The following DUSP14 variants were observed in gnomAD, a reference collection of about 807,000 sequenced individuals.
DUSP14 encodes dual specificity phosphatase 14, also known as dual specificity protein phosphatase 14.
DUSP14 carries 5 observed loss-of-function variants against 13.2 expected under a neutral mutation model. The observed-to-expected ratio is 0.38, with a 90% confidence interval of 0.20 to 0.80. DUSP14 has a LOEUF of 0.80. Ranked by LOEUF, DUSP14 falls within the 30% of genes least tolerant of loss-of-function variation. The pLI, the probability that DUSP14 is intolerant of heterozygous loss-of-function variation, is 0.44. For missense variants in DUSP14, 185 were observed against 264.0 expected (o/e 0.70, Z 2.07); for synonymous variants, 91 against 103.4 (o/e 0.88, Z 0.73).
rs183467549 is a variant in DUSP14 at position 37,501,379 on chromosome 17, G to T, written c.-180-9298G>T. Among the ~76,000 whole-genome samples the T allele has an allele frequency of 2.7e-3, 409 of 152,312 alleles. 1 individual carries two copies. The highest frequency in any genetic ancestry group is 9.4e-3 in the African/African-American group (389 of 41,584). On this transcript the variant is annotated intron_variant, in intron 1 of 2. Transcript: ENST00000617516. ...TTCGGTAGGTCTTGGAATAGAGCCTGCGTTCTGCATTTCTTTCAAGCCTCC... is the reference window on the plus strand; with the variant it reads ...TTCGGTAGGTCTTGGAATAGAGCCTTCGTTCTGCATTTCTTTCAAGCCTCC...
rs781030174 is a variant in DUSP14, at chr17:37,512,755, C to T, written c.483C>T (p.Tyr161=). ...GCTTCTGGAGGCAACTGATAGACTA[C>T]GAGCGCCAGCTCTTTGGGAAGTCGA... ...NVGFWRQLID[Y]ERQLFGKSTV... is the part of the protein sequence containing the mutation. Residue 161 remains tyrosine, a synonymous_variant, in exon 3 of 3, where the codon TAC becomes TAT. Coordinates refer to ENST00000617516, the MANE Select transcript of DUSP14 (RefSeq NM_007026.4). The surrounding 1 kb of genome is among the most constrained non-coding windows in gnomAD (Gnocchi z 4.8). The T allele has an allele frequency of 3.7e-6, 6 of 1,613,796 alleles. No individual in the cohort carries two copies. The highest frequency in any genetic ancestry group is 1.6e-4 in the Middle Eastern group (1 of 6,062).
intron 1 of DUSP14, among the ~76,000 whole-genome samples, chr17:37,501,220 G>A (rs779049065): frequency 4.6e-5 from 7 of 152,226 alleles, no homozygotes; most frequent in Non-Finnish European, 7.3e-5. Context: ...TGCTGCCACA[G>A]GTCAGATGGG....
At chr17:37,501,183 G>T (rs2143082945) in intron 1 of DUSP14, among the ~76,000 whole-genome samples, 1 of 152,324 alleles carries the variant, frequency 6.6e-6, no homozygotes, top group African/African-American at 2.4e-5. Context: ...GTGCTTACGT[G>T]GCTTATGTGG....
At chr17:37,498,877 G>A (rs566243945) in intron 1 of DUSP14, among the ~76,000 whole-genome samples, 2 of 152,196 alleles carry the variant, frequency 1.3e-5, no homozygotes, top group South Asian at 2.1e-4. Flanking sequence ...TCTGGGGTGG[G>A]GTCTAGGAGT....
chr17:37,502,723 G>A (rs1161375450), intron 1 of DUSP14, among the ~76,000 whole-genome samples: 1 of 152,062 alleles, frequency 6.6e-6, no homozygotes, highest in African/African-American at 2.4e-5. Flanking sequence ...AACACCCATG[G>A]CCTCTCCGTG....
intron 2 of DUSP14, among the ~76,000 whole-genome samples, chr17:37,511,938 C>CCTTTT (rs1568206074): frequency 3.9e-4 from 15 of 38,252 alleles, no homozygotes; most frequent in Middle Eastern, 0.038. Context: ...CCCCACCCCA[C>CCTTTT]TTTTTTTTTT....
rs916192784 is a variant in DUSP14 at position 37,502,347 on chromosome 17, ATT to A, written c.-180-8314_-180-8313del. Among the ~76,000 whole-genome samples the A allele has an allele frequency of 3.1e-4, 44 of 139,908 alleles. No individual in the cohort carries two copies. The East Asian group carries it at 7.0e-3, about 22-fold the overall frequency. The allele number at this position is 139,908 out of a possible 152,430, so 91.8% of individuals were successfully genotyped here. Reference sequence around the variant, plus strand: ...CAGGTGCACATCACCATGCCCAGCAATTTTTTTTTTTTTTTTTGTAGAGAGAG... The same window carrying A: ...CAGGTGCACATCACCATGCCCAGCAATTTTTTTTTTTTTTTGTAGAGAGAG... On this transcript the variant is annotated intron_variant, in intron 1 of 2. Coordinates refer to ENST00000617516, the MANE Select transcript of DUSP14 (RefSeq NM_007026.4).
chr17:37,503,151 A>C (rs549762579), intron 1 of DUSP14, among the ~76,000 whole-genome samples: 1 of 152,280 alleles, frequency 6.6e-6, no homozygotes, highest in South Asian at 2.1e-4. Flanking sequence ...GGGTCTGGCC[A>C]CAGTGGCTTA....
At chr17:37,494,853 C>T (rs2054053165) in intron 1 of DUSP14, among the ~76,000 whole-genome samples, 1 of 152,118 alleles carries the variant, frequency 6.6e-6, no homozygotes, top group African/African-American at 2.4e-5. Flanking sequence ...ATTTGTAGAT[C>T]CTTTTTATTT....
chr17:37,509,444 C>T (rs569697174), intron 1 of DUSP14, among the ~76,000 whole-genome samples: 2 of 149,656 alleles, frequency 1.3e-5, no homozygotes, highest in African/African-American at 2.5e-5. Context: ...CCTCAGCCAC[C>T]CAAGTAGCTG....
At chr17:37,506,699 ACTGAT>A (rs1238167444) in intron 1 of DUSP14, among the ~76,000 whole-genome samples, 1 of 151,968 alleles carries the variant, frequency 6.6e-6, no homozygotes, top group Non-Finnish European at 1.5e-5. Context: ...ATCCAGTTCT[ACTGAT>A]CTGATCTGAG....
At chr17:37,497,577 C>T (rs1397147997) in intron 1 of DUSP14, among the ~76,000 whole-genome samples, 3 of 151,798 alleles carry the variant, frequency 2.0e-5, no homozygotes, top group African/African-American at 4.8e-5. Flanking sequence ...GCCTGGGCAA[C>T]ATGGCAAAAC....
chr17:37,504,436 C>G (rs1295698655), intron 1 of DUSP14, among the ~76,000 whole-genome samples: 1 of 152,148 alleles, frequency 6.6e-6, no homozygotes, highest in Non-Finnish European at 1.5e-5. Flanking sequence ...TGTACATATC[C>G]TCATGTATTA....
intron 1 of DUSP14, among the ~76,000 whole-genome samples, chr17:37,490,168 C>T (rs959306284): frequency 6.6e-6 from 1 of 150,644 alleles, no homozygotes; most frequent in Non-Finnish European, 1.5e-5. Context: ...GGCCCGAGAC[C>T]TTCCGCAGCG....
intron 1 of DUSP14, among the ~76,000 whole-genome samples, chr17:37,495,773 C>T (rs1007327226): frequency 2.0e-5 from 3 of 151,974 alleles, no homozygotes; most frequent in Admixed American, 6.6e-5. Context: ...AATTCTCCTG[C>T]CTCAGCCTCC....
chr17:37,503,837 T>C (rs2054120426), intron 1 of DUSP14, among the ~76,000 whole-genome samples: 1 of 152,198 alleles, frequency 6.6e-6, no homozygotes, highest in African/African-American at 2.4e-5. Context: ...TTCCTGCTTA[T>C]CTAGTGTACT....
intron 1 of DUSP14, chr17:37,510,469 C>T (rs1201759910): frequency 6.6e-6 from 1 of 152,176 alleles, no homozygotes; most frequent in Non-Finnish European, 1.5e-5. Flanking sequence ...ATTTGTCACG[C>T]CGCGGGTTAT....
chr17:37,490,688 T>C (rs1364016150), intron 1 of DUSP14, among the ~76,000 whole-genome samples: 1 of 150,268 alleles, frequency 6.7e-6, no homozygotes, highest in Non-Finnish European at 1.5e-5. Context: ...AATGCAGTTT[T>C]ACCATGCAGA....
intron 1 of DUSP14, among the ~76,000 whole-genome samples, chr17:37,493,210 G>T (rs574415443): frequency 6.6e-6 from 1 of 152,232 alleles, no homozygotes; most frequent in East Asian, 1.9e-4. Context: ...GGATCCTCCT[G>T]CCTGGGCCTC....
Sources: allele counts gnomAD v4.1 joint callset (sites outside exome capture counted in the v4.1 genomes callset), GRCh38; gene constraint gnomAD v4.1.1; non-coding constraint Gnocchi (gnomAD v3.1); transcripts MANE v1.5; gene names NCBI Gene and HGNC (gene_info 2026-07-23, HGNC 2026-07-21).